GAA: variants seen among roughly 807,000 people sequenced by gnomAD.
GAA encodes the protein lysosomal alpha-glucosidase.
A neutral mutation model predicts 103.9 loss-of-function variants in GAA; 88 were observed. The observed-to-expected ratio is 0.85, with a 90% CI of 0.71 to 1.01. GAA has a LOEUF of 1.01. Among genes scored for constraint, GAA ranks in the 50% least tolerant of loss-of-function variants. The pLI, the probability that GAA is intolerant of heterozygous loss-of-function variation, is 0.00. For missense variants in GAA, 1,350 were observed against 1,305.3 expected (o/e 1.03, Z -0.53); for synonymous variants, 572 against 563.1 (o/e 1.02, Z -0.22).
intron 1 of GAA, among the ~76,000 whole-genome samples, chr17:80,103,771 T>TTAAG (rs1212520064): frequency 8.5e-5 from 13 of 152,090 alleles, no homozygotes; most frequent in Non-Finnish European, 1.6e-4. Flanking sequence ...TCGCCAGAGG[T>TTAAG]TAAGTCCTTT....
Position 80,118,688 on chromosome 17 carries a change from T to A in GAA, c.2682T>A (p.Ser894Arg). The A allele has an allele frequency of 6.2e-7, 1 of 1,612,804 alleles. No homozygotes were observed. The highest frequency in any genetic ancestry group is 8.5e-7 in the Non-Finnish European group (1 of 1,179,962). ...TIVNELVRVT[S>R]EGAGLQLQKV... ...TGAATGAGCTGGTACGTGTGACCAG[T>A]GAGGGAGCTGGCCTGCAGCTGCAGA... Residue 894 changes from serine to arginine, a missense_variant, in exon 19 of 20, where the codon AGT becomes AGA. By Grantham distance (110) the Ser-to-Arg change is moderately radical. Coordinates refer to ENST00000302262, the MANE Select transcript of GAA (RefSeq NM_000152.5).
chr17:80,117,014 T>G lies in GAA; in HGVS notation c.2236T>G (p.Trp746Gly), dbSNP rs1479740763. ...CTGGACTGTGGACCACCAGCTCCTG[T>G]GGGGGGAGGCCCTGCTCATCACCCC... is the stretch of plus-strand genomic sequence containing the variant. ...STWTVDHQLLWGEALLITPVL... is the reference protein window; with the variant it reads ...STWTVDHQLLGGEALLITPVL... Residue 746 changes from tryptophan to glycine, a missense_variant, in exon 16 of 20, where the codon TGG (tryptophan) becomes GGG (glycine). By Grantham distance (184) the Trp-to-Gly change is radical. Transcript: ENST00000302262. 6.2e-7 allele frequency: 1 copy of G among 1,613,542 alleles called. No homozygotes were observed. The highest frequency in any genetic ancestry group is 2.2e-5 in the East Asian group (1 of 44,882).
chr17:80,111,904 TG>T, intron 11 of GAA, 78 bp from the exon 12 acceptor site: 1 of 1,226,168 alleles, frequency 8.2e-7, no homozygotes. Flanking sequence ...CAGGGGCTCC[TG>T]GGAGGTGGGG....
chr17:80,107,606 C>T lies in GAA; in HGVS notation c.742C>T (p.Leu248=). Residue 248 remains leucine, a synonymous_variant, in exon 4 of 20, where the codon CTG becomes TTG. Coordinates refer to ENST00000302262, the MANE Select transcript of GAA (RefSeq NM_000152.5). The part of the protein sequence containing the change: ...PLFFADQFLQ[L]STSLPSQYIT... ...GTTCTTTGCGGACCAGTTCCTTCAG[C>T]TGTCCACCTCGCTGCCCTCGCAGTA... The T allele has an allele frequency of 6.2e-7, 1 of 1,613,260 alleles. No homozygotes were observed. The highest frequency in any genetic ancestry group is 1.3e-5 in the African/African-American group (1 of 75,034).
chr17:80,111,552 C>T (rs1460191694), intron 11 of GAA, among the ~76,000 whole-genome samples: 1 of 152,164 alleles, frequency 6.6e-6, no homozygotes, highest in Non-Finnish European at 1.5e-5. Flanking sequence ...GCCAAACTGT[C>T]TTAGCAGGAA....
chr17:80,113,211 C>T lies in GAA; in HGVS notation c.2041-7C>T, dbSNP rs1212995227. 1.0e-5 allele frequency: 16 copies of T among 1,594,230 alleles called. No individual in the cohort carries two copies. The highest frequency in any genetic ancestry group is 1.4e-5 in the Non-Finnish European group (16 of 1,172,562). ...AAGTGCTTCCTTTGCCCCCGCCTGC[C>T]CTGCAGCCCCAGGAGCCGTACAGCT... On this transcript the variant is annotated splice_polypyrimidine_tract_variant and splice_region_variant and intron_variant, in intron 14 of 19. Transcript: ENST00000302262.
In GAA at chr17:80,117,031, C is replaced by G; in HGVS notation, c.2253C>G (p.Leu751=). Residue 751 remains leucine (L), a synonymous_variant, in exon 16 of 20, where the codon CTC becomes CTG. Transcript: ENST00000302262. ...DHQLLWGEAL[L]ITPVLQAGKA... ...AGCTCCTGTGGGGGGAGGCCCTGCT[C>G]ATCACCCCAGTGCTCCAGGCCGGGA... 6.2e-7 allele frequency: 1 copy of G among 1,613,646 alleles called. No individual in the cohort carries two copies. The highest frequency in any genetic ancestry group is 8.5e-7 in the Non-Finnish European group (1 of 1,180,000).
intron 15 of GAA, among the ~76,000 whole-genome samples, chr17:80,114,555 C>T (rs1049807668): frequency 6.6e-6 from 1 of 152,030 alleles, no homozygotes; most frequent in African/African-American, 2.4e-5. Context: ...CATTGCCTCT[C>T]GTTCCTCTGT....
intron 11 of GAA, 23 bp downstream of exon 11, chr17:80,111,048 C>G: frequency 4.4e-6 from 7 of 1,607,704 alleles, no homozygotes; most frequent in Non-Finnish European, 6.0e-6. Flanking sequence ...CCCACCTACC[C>G]TGGGGACTTA....
At chr17:80,110,627 AGAGT>A (rs2039209486) in intron 9 of GAA, 96 bp from the exon 10 acceptor site, 4 of 994,300 alleles carry the variant, frequency 4.0e-6, no homozygotes, top group Non-Finnish European at 6.3e-6. Flanking sequence ...GCGTCCACTA[AGAGT>A]GAGGCTGCCC....
At chr17:80,119,142 G>A in intron 19 of GAA, 130 bp from the exon 20 acceptor site, 1 of 971,610 alleles carries the variant, frequency 1.0e-6, no homozygotes, top group Non-Finnish European at 1.7e-6. Context: ...GGGCCAGACG[G>A]AGCTGCCCCC....
intron 9 of GAA, among the ~76,000 whole-genome samples, 196 bp from the exon 10 acceptor site, chr17:80,110,531 G>A (rs1320351731): frequency 6.6e-6 from 1 of 152,372 alleles, no homozygotes; most frequent in East Asian, 1.9e-4. Flanking sequence ...CAGGGTTGAG[G>A]CCCCTTGGCC....
Position 80,119,654 on chromosome 17 carries a change from T to A in GAA, c.*323T>A. ...AGTATTAGCCACCCCCCTCCATCTG[T>A]TCCCAGCACCGGAGAAGGGGGTGCT... On this transcript the variant is annotated 3_prime_UTR_variant, in exon 20 of 20. Transcript: ENST00000302262. 2.7e-6 allele frequency: 1 copy of A among 371,432 alleles called. No individual in the cohort carries two copies. The highest frequency in any genetic ancestry group is 3.7e-5 in the Admixed American group (1 of 26,838). 23.0% of individuals were successfully genotyped at this position (371,432 alleles called of 1,614,324 possible). A position where few individuals can be genotyped will look rare whatever the true frequency, so the allele number is the denominator to read the frequency against.
intron 1 of GAA, among the ~76,000 whole-genome samples, chr17:80,103,731 G>A (rs1389607845): frequency 6.6e-6 from 1 of 152,100 alleles, no homozygotes; most frequent in Non-Finnish European, 1.5e-5. Flanking sequence ...CATGTACCTC[G>A]GGGGCCGGGA....
rs575692830 is a variant in GAA at position 80,104,289 on chromosome 17, T to G, written c.-32-266T>G. Among the ~76,000 whole-genome samples the G allele has an allele frequency of 3.3e-5, 5 of 152,278 alleles. No homozygotes were observed. The highest frequency in any genetic ancestry group is 7.4e-5 in the Non-Finnish European group (5 of 68,008). ...AAGTGTCTACCTGCCTTGCTGGTCT[T>G]CCTGGGGACATTCTAAGCGTGTTTG... On this transcript the variant is annotated intron_variant, in intron 1 of 19. Coordinates refer to ENST00000302262, the MANE Select transcript of GAA (RefSeq NM_000152.5). This position sits in a 1 kb window ranked among gnomAD's most constrained non-coding sequence, Gnocchi z 4.0.
rs772250523 is a variant in GAA, at chr17:80,118,315, G to A, written c.2604G>A (p.Leu868=). Residue 868 remains leucine (L), a synonymous_variant, in exon 18 of 20, where the codon CTG becomes CTA. Coordinates refer to ENST00000302262, the MANE Select transcript of GAA (RefSeq NM_000152.5). The part of the protein sequence containing the change: ...FWDDGESLEV[L]ERGAYTQVIF... The stretch of plus-strand genomic sequence containing the variant: ...ACGATGGAGAGAGCCTGGAAGTGCT[G>A]GAGCGAGGGGCCTACACACAGGTCA... The A allele has an allele frequency of 4.8e-5, 76 of 1,584,112 alleles. 2 individuals carry two copies. The South Asian group carries it at 8.4e-4, about 17-fold the overall frequency.
chr17:80,111,297 G>A lies in GAA; in HGVS notation c.1636+272G>A, dbSNP rs1367444717. On this transcript the variant is annotated intron_variant, in intron 11 of 19. Transcript: ENST00000302262. ...GGCCGACTCGACTCAGAGCCGTCTC[G>A]ATAGGCGCAGGGACCATGCAGCGGA... Among the ~76,000 whole-genome samples the A allele has an allele frequency of 3.9e-5, 6 of 152,360 alleles. No individual in the cohort carries two copies. In the East Asian group the frequency reaches 5.8e-4, roughly 15 times the overall value.
At chr17:80,111,414 C>T (rs7221675) in intron 11 of GAA, among the ~76,000 whole-genome samples, 95,158 of 151,744 alleles carry the variant, frequency 0.63, 30,568 homozygotes, top group Middle Eastern at 0.78. Flanking sequence ...GGCTCAGAGG[C>T]AGGAATTACC....
chr17:80,105,941 T>G (rs1385239645), intron 3 of GAA, 47 bp downstream of exon 3: 2 of 1,553,928 alleles, frequency 1.3e-6, no homozygotes, highest in East Asian at 4.5e-5. Context: ...GCGACGCGCA[T>G]TTCTCACACG....
Sources: gnomAD v4.1 joint callset for allele counts (sites outside exome capture counted in the v4.1 genomes callset) on GRCh38, gnomAD v4.1.1 for gene constraint, Gnocchi (gnomAD v3.1) non-coding constraint, MANE v1.5 for transcripts, NCBI Gene and HGNC (gene_info 2026-07-23, HGNC 2026-07-21) for gene names.